The following MEIOB variants were observed in gnomAD, a reference collection of about 807,000 sequenced individuals.
The protein encoded by MEIOB is meiosis-specific with OB domain-containing protein.
In MEIOB, 50 loss-of-function variants were observed where a neutral mutation model predicts 53.1. The observed-to-expected ratio is 0.94, with a 90% CI of 0.75 to 1.19. MEIOB has a LOEUF of 1.19. Ranked by LOEUF, MEIOB falls within the 50% of genes most tolerant of loss-of-function variation. The pLI, the probability that MEIOB is intolerant of heterozygous loss-of-function variation, is 0.00. For synonymous variants in MEIOB, 192 were observed against 182.5 expected (o/e 1.05, Z -0.42); for missense variants, 551 against 550.8 (o/e 1.00, Z 0.00).
chr16:1,851,286 A>T (rs1318065481), intron 9 of MEIOB, among the ~76,000 whole-genome samples: 1 of 152,184 alleles, frequency 6.6e-6, no homozygotes, highest in South Asian at 2.1e-4. Flanking sequence ...ACATAGGCAC[A>T]GGGCTTTCCC....
Position 1,841,566 on chromosome 16 carries a change from T to C in MEIOB, c.1034+254A>G, listed in dbSNP as rs113730216. Among the ~76,000 whole-genome samples the C allele has an allele frequency of 1.7e-3, 252 of 152,320 alleles. 1 individual carries two copies. The highest frequency in any genetic ancestry group is 3.0e-3 in the Non-Finnish European group (207 of 68,030). On this transcript the variant is annotated intron_variant, in intron 11 of 13. Coordinates refer to ENST00000325962, the MANE Select transcript of MEIOB (RefSeq NM_001163560.3). ...CTTTCTGCCAAATCATTAGACAAGT[T>C]TGTCAAAAGTTTCTCACATTATATC...
chr16:1,837,608 A>T, intron 13 of MEIOB, 176 bp downstream of exon 13: 1 of 464,898 alleles, frequency 2.2e-6, no homozygotes, highest in South Asian at 4.6e-5. Flanking sequence ...CCTTTATACA[A>T]TATGAAAAAA....
intron 5 of MEIOB, among the ~76,000 whole-genome samples, chr16:1,858,196 T>G (rs1474563142): frequency 6.6e-6 from 1 of 152,192 alleles, no homozygotes; most frequent in African/African-American, 2.4e-5. Context: ...GCTTGTTTCC[T>G]TCTCCAAAAA....
In MEIOB at chr16:1,857,784, C is replaced by A. The variant is rs1245935333; in HGVS notation, c.479G>T (p.Gly160Val). ...YYSLGDIVAN[G>V]HSLNGRIINV... ...AATAATCCTCCCATTAAGACTGTGT[C>A]CATTTGCAACAATGTCACCCAGTGA... Residue 160 changes from glycine to valine, a missense_variant, in exon 6 of 14, where the codon GGA (glycine) becomes GTA (valine). By Grantham distance (109) the Gly-to-Val change is moderately radical (BLOSUM62 -3). Transcript: ENST00000325962. The A allele has an allele frequency of 6.4e-7, 1 of 1,551,906 alleles. No individual in the cohort carries two copies. The highest frequency in any genetic ancestry group is 8.7e-7 in the Non-Finnish European group (1 of 1,146,990).
intron 12 of MEIOB, among the ~76,000 whole-genome samples, chr16:1,838,782 C>A (rs1471259179): frequency 6.6e-6 from 1 of 152,124 alleles, no homozygotes; most frequent in East Asian, 1.9e-4. Flanking sequence ...ACTTCCACAT[C>A]CTGGGCTCAA....
At chr16:1,849,190 G>A (rs1455220236) in intron 9 of MEIOB, among the ~76,000 whole-genome samples, 1 of 152,084 alleles carries the variant, frequency 6.6e-6, no homozygotes, top group African/African-American at 2.4e-5. Flanking sequence ...GGAGGCCAAG[G>A]TGGGTGGATC....
At position 1,857,717 on chromosome 16, in the gene MEIOB, GTCGGGGTTTTAA is replaced by G. The variant is rs1899342192; in HGVS notation, c.528+6_528+17del. 6.5e-7 allele frequency: 1 copy of G among 1,548,202 alleles called. No homozygotes were observed. The highest frequency in any genetic ancestry group is 2.4e-5 in the East Asian group (1 of 40,828). ...CCCCTGCCAGATTGCACTTGGCTTT[GTCGGGGTTTTAA>G]CTTACCGATTTCACAGCTGCAAGCA... On this transcript the variant is annotated splice_donor_region_variant and intron_variant, in intron 6 of 13. Coordinates refer to ENST00000325962, the MANE Select transcript of MEIOB (RefSeq NM_001163560.3).
intron 13 of MEIOB, among the ~76,000 whole-genome samples, chr16:1,835,295 G>A (rs895220864): frequency 2.0e-5 from 3 of 151,950 alleles, no homozygotes; most frequent in Admixed American, 2.0e-4. Flanking sequence ...TATGAAAAAG[G>A]GCTTAATGTG....
intron 9 of MEIOB, among the ~76,000 whole-genome samples, chr16:1,849,545 C>CTAAAAAAAAAAAA (rs1899109054): frequency 1.3e-5 from 1 of 79,224 alleles, no homozygotes; most frequent in African/African-American, 5.2e-5. Context: ...GACTCCGTCT[C>CTAAAAAAAAAAAA]AAAAAAAAAA....
intron 9 of MEIOB, among the ~76,000 whole-genome samples, chr16:1,850,878 G>A (rs540475929): frequency 2.8e-4 from 43 of 152,032 alleles, no homozygotes; most frequent in East Asian, 1.9e-4. Flanking sequence ...CCGAGATCAC[G>A]CCACTGCACT....
At chr16:1,867,093 A>T (rs1000910237) in intron 2 of MEIOB, among the ~76,000 whole-genome samples, 1 of 152,154 alleles carries the variant, frequency 6.6e-6, no homozygotes, top group Non-Finnish European at 1.5e-5. Context: ...ATATTTTAAA[A>T]TTTTAAATTA....
intron 5 of MEIOB, among the ~76,000 whole-genome samples, chr16:1,860,120 C>T (rs961913047): frequency 6.6e-6 from 1 of 152,166 alleles, no homozygotes; most frequent in Admixed American, 6.5e-5. Context: ...ATGTAATTTC[C>T]AAAGTTTATC....
chr16:1,834,816 T>G (rs993989636), intron 13 of MEIOB, among the ~76,000 whole-genome samples: 2 of 152,174 alleles, frequency 1.3e-5, no homozygotes, highest in African/African-American at 2.4e-5. Context: ...ACACCTGTTA[T>G]CCCAGCTACT....
intron 9 of MEIOB, among the ~76,000 whole-genome samples, chr16:1,848,142 G>C (rs1899069859): frequency 6.6e-6 from 1 of 151,896 alleles, no homozygotes; most frequent in African/African-American, 2.4e-5. Flanking sequence ...TAGAGATGGA[G>C]TCTCACTTAT....
chr16:1,836,868 G>A (rs1419597834), intron 13 of MEIOB, among the ~76,000 whole-genome samples: 2 of 152,186 alleles, frequency 1.3e-5, no homozygotes, highest in Non-Finnish European at 2.9e-5. Context: ...AATTTTTTCA[G>A]TATTAAGCTG....
chr16:1,862,867 G>A (rs1742441), intron 3 of MEIOB, among the ~76,000 whole-genome samples: 124,973 of 151,454 alleles, frequency 0.83, 51,678 homozygotes, highest in Middle Eastern at 0.9. Context: ...GCAGTGAGCC[G>A]AGATCCAGCC....
At chr16:1,839,176 A>T in intron 12 of MEIOB, 79 bp downstream of exon 12, 5 of 1,434,594 alleles carry the variant, frequency 3.5e-6, no homozygotes, top group Non-Finnish European at 4.6e-6. Flanking sequence ...CAAATGTTTG[A>T]CAAAACAACC....
chr16:1,870,185 GA>G (rs1190643028), intron 1 of MEIOB, among the ~76,000 whole-genome samples: 13 of 152,272 alleles, frequency 8.5e-5, no homozygotes, highest in African/African-American at 2.9e-4. Flanking sequence ...GAAAATTATT[GA>G]TTTTAAACAC....
intron 5 of MEIOB, 45 bp downstream of exon 5, chr16:1,860,357 AG>A (rs2150821338): frequency 1.0e-6 from 1 of 984,222 alleles, no homozygotes; most frequent in East Asian, 2.6e-5. Flanking sequence ...CAACATTATT[AG>A]TAATGATCAT....
Sources: allele counts gnomAD v4.1 joint callset (sites outside exome capture counted in the v4.1 genomes callset), GRCh38; gene constraint gnomAD v4.1.1; transcripts MANE v1.5; gene names NCBI Gene and HGNC (gene_info 2026-07-23, HGNC 2026-07-21).